CATSPERE: variants seen among roughly 807,000 people sequenced by gnomAD.
CATSPERE encodes cation channel sperm-associated auxiliary subunit epsilon.
In CATSPERE, 93 loss-of-function variants were observed where a neutral mutation model predicts 114.1. The ratio of observed to expected loss-of-function variants is 0.81; its 90% CI spans 0.69 to 0.97. The LOEUF (loss-of-function observed/expected upper bound fraction) is 0.97. Ranked by LOEUF, CATSPERE falls within the 50% of genes least tolerant of loss-of-function variation. The pLI is 0.00. For missense variants in CATSPERE, 1,058 were observed against 1,131.6 expected, an observed-to-expected ratio of 0.93 and a Z score of 0.93; for synonymous variants, 341 against 384.1, an observed-to-expected ratio of 0.89 and a Z score of 1.31.
chr1:244,508,802 G>C (rs1675241643), intron 7 of CATSPERE, among the ~76,000 whole-genome samples: 1 of 147,036 alleles, frequency 6.8e-6, no homozygotes, highest in African/African-American at 2.5e-5. Flanking sequence ...CTCAAGACAA[G>C]TGTGGGCAAC....
chr1:244,602,121 C>G (rs1031512992), intron 17 of CATSPERE, among the ~76,000 whole-genome samples: 1 of 152,088 alleles, frequency 6.6e-6, no homozygotes, highest in Non-Finnish European at 1.5e-5. Flanking sequence ...TGGAACAGCA[C>G]TATTTGGGAT....
In CATSPERE at chr1:244,617,556, A is replaced by C; in HGVS notation, c.2518A>C (p.Ile840Leu). Residue 840 changes from isoleucine to leucine, a missense_variant, in exon 20 of 22, where the codon ATT (isoleucine) becomes CTT (leucine). Physicochemically the swap from Ile to Leu is conservative, Grantham distance 5. Transcript: ENST00000366534. Reference sequence around the variant, plus strand: ...CTATAAACACTGTTTTTCTTATGCTATTGGAAAACCAGGAGACTTAAATCA... The same window carrying C: ...CTATAAACACTGTTTTTCTTATGCTCTTGGAAAACCAGGAGACTTAAATCA... ...ENYKHCFSYA[I>L]GKPGDLNQPY... is the part of the protein sequence containing the mutation. 1 of 1,528,450 alleles carries C rather than the reference A, an allele frequency of 6.5e-7. No individual in the cohort carries two copies. Among genetic ancestry groups the C allele is most frequent in the Non-Finnish European group, 8.8e-7 (1 of 1,140,530 alleles). The allele number at this position is 1,528,450 out of a possible 1,614,324, so 94.7% of individuals were successfully genotyped here. A position where few individuals can be genotyped will look rare whatever the true frequency, so the allele number is the denominator to read the frequency against.
intron 9 of CATSPERE, among the ~76,000 whole-genome samples, chr1:244,558,283 C>T (rs1662002853): frequency 6.6e-6 from 1 of 152,014 alleles, no homozygotes; most frequent in East Asian, 1.9e-4. Context: ...GCTGGGACTA[C>T]AGGCACGTGC....
At chr1:244,562,057 C>T (rs1315020411) in intron 10 of CATSPERE, among the ~76,000 whole-genome samples, 1 of 147,492 alleles carries the variant, frequency 6.8e-6, no homozygotes, top group Admixed American at 7.0e-5. Context: ...AAGACTGAGG[C>T]AGGAGGATCA....
intron 8 of CATSPERE, among the ~76,000 whole-genome samples, chr1:244,546,896 A>G (rs1659838114): frequency 6.7e-6 from 1 of 149,698 alleles, no homozygotes; most frequent in South Asian, 2.2e-4. Flanking sequence ...GTAGAGAAAT[A>G]TAGTGGGGTA....
At chr1:244,590,098 A>G (rs1667530848) in intron 14 of CATSPERE, among the ~76,000 whole-genome samples, 1 of 152,150 alleles carries the variant, frequency 6.6e-6, no homozygotes, top group Admixed American at 6.5e-5. Context: ...CTAGACTTCC[A>G]ATATCTATCT....
intron 8 of CATSPERE, among the ~76,000 whole-genome samples, chr1:244,528,118 C>T (rs935360961): frequency 1.3e-5 from 2 of 152,218 alleles, no homozygotes; most frequent in East Asian, 1.9e-4. Context: ...CCCATTCCCC[C>T]CAACCAGCAG....
At chr1:244,616,061 C>T (rs1459623070) in intron 19 of CATSPERE, among the ~76,000 whole-genome samples, 8 of 151,768 alleles carry the variant, frequency 5.3e-5, no homozygotes, top group Non-Finnish European at 7.4e-5. Flanking sequence ...CCTGGGCGAT[C>T]GAAGCTTCAG....
At chr1:244,479,354 A>C (rs1291902364) in intron 4 of CATSPERE, among the ~76,000 whole-genome samples, 1 of 152,068 alleles carries the variant, frequency 6.6e-6, no homozygotes, top group Non-Finnish European at 1.5e-5. Context: ...CGGCCTCCCA[A>C]AGTGCTGGGA....
intron 2 of CATSPERE, among the ~76,000 whole-genome samples, chr1:244,471,029 A>G (rs1304170738): frequency 6.6e-6 from 1 of 152,180 alleles, no homozygotes; most frequent in African/African-American, 2.4e-5. Context: ...TGGGGTGGTA[A>G]CCTCCGAGGA....
At chr1:244,508,087 G>T (rs976673410) in intron 7 of CATSPERE, among the ~76,000 whole-genome samples, 1 of 151,004 alleles carries the variant, frequency 6.6e-6, no homozygotes, top group African/African-American at 2.4e-5. Flanking sequence ...AATATTAATT[G>T]GTCTGATACT....
At chr1:244,599,676 T>C (rs12066366) in intron 17 of CATSPERE, among the ~76,000 whole-genome samples, 27,892 of 152,154 alleles carry the variant, frequency 0.18, 3,658 homozygotes, top group East Asian at 0.39. Context: ...ACAATGACTT[T>C]CAAGGTTCTA....
chr1:244,475,994 A>T (rs1669289969), intron 2 of CATSPERE, among the ~76,000 whole-genome samples: 1 of 151,998 alleles, frequency 6.6e-6, no homozygotes, highest in Non-Finnish European at 1.5e-5. Flanking sequence ...GGCTAACTTT[A>T]TGAGAAATTC....
At chr1:244,553,237 T>C (rs1660929584) in intron 9 of CATSPERE, among the ~76,000 whole-genome samples, 1 of 152,094 alleles carries the variant, frequency 6.6e-6, no homozygotes, top group South Asian at 2.1e-4. Flanking sequence ...TGGTATCATT[T>C]CCTCTCTCCT....
At chr1:244,636,987 G>A (rs757331135) in intron 21 of CATSPERE, among the ~76,000 whole-genome samples, 4 of 151,964 alleles carry the variant, frequency 2.6e-5, no homozygotes, top group Non-Finnish European at 5.9e-5. Flanking sequence ...CCTTTAACCA[G>A]CAGACTCACC....
chr1:244,571,488 C>A (rs1328236756), intron 10 of CATSPERE, among the ~76,000 whole-genome samples: 5 of 152,090 alleles, frequency 3.3e-5, no homozygotes, highest in African/African-American at 1.2e-4. Context: ...AGATAGTTAC[C>A]CACTATGACC....
At chr1:244,508,981 C>T (rs1675266423) in intron 7 of CATSPERE, among the ~76,000 whole-genome samples, 2 of 128,526 alleles carry the variant, frequency 1.6e-5, no homozygotes, top group Non-Finnish European at 3.1e-5. Context: ...GCCCCTTCCC[C>T]CACCAAAAAA....
At chr1:244,463,346 C>T (rs1432595848) in intron 1 of CATSPERE, among the ~76,000 whole-genome samples, 1 of 151,966 alleles carries the variant, frequency 6.6e-6, no homozygotes, top group African/African-American at 2.4e-5. Context: ...AACCCTCCAT[C>T]GCAGCAACAT....
At chr1:244,538,561 G>A (rs1023807899) in intron 8 of CATSPERE, among the ~76,000 whole-genome samples, 13 of 152,188 alleles carry the variant, frequency 8.5e-5, no homozygotes, top group African/African-American at 3.1e-4. Flanking sequence ...CAAGAACTCA[G>A]AAGTGAGGCT....
Sources: gnomAD v4.1 joint callset for allele counts (sites outside exome capture counted in the v4.1 genomes callset) on GRCh38, gnomAD v4.1.1 for gene constraint, MANE v1.5 for transcripts, NCBI Gene and HGNC (gene_info 2026-07-23, HGNC 2026-07-21) for gene names.